KIF14: variants seen among roughly 807,000 people sequenced by gnomAD.
KIF14 encodes kinesin family member 14.
Under a neutral mutation model 176.2 loss-of-function variants are expected in KIF14, and 98 were observed. That is an observed-to-expected ratio of 0.56 (90% CI 0.47 to 0.66). The LOEUF (loss-of-function observed/expected upper bound fraction) is 0.66. KIF14 is among the 30% of genes least tolerant of loss of function. The probability of loss-of-function intolerance (pLI) is 0.00; values close to 1 mark genes in which losing one functional copy is unlikely to be tolerated. For missense variants in KIF14, 1,751 were observed against 1,920.4 expected, an observed-to-expected ratio of 0.91 and a Z score of 1.65; for synonymous variants, 566 against 632.2, an observed-to-expected ratio of 0.90 and a Z score of 1.57.
Position 200,602,074 on chromosome 1 carries a change from A to T in KIF14, c.1980-6T>A. ...CCAGACTTTCTTTTAACAGCCTACA[A>T]GAAAAAAAGTCATAAGACTTTGCTT... On this transcript the variant is annotated splice_region_variant and splice_polypyrimidine_tract_variant and intron_variant, in intron 10 of 29. Transcript: ENST00000367350. The T allele has an allele frequency of 6.2e-7, 1 of 1,608,144 alleles. No individual in the cohort carries two copies. Among genetic ancestry groups the T allele is most frequent in the Non-Finnish European group, 8.5e-7 (1 of 1,178,496 alleles).
chr1:200,594,560 A>G (rs1659234128), intron 14 of KIF14, among the ~76,000 whole-genome samples: 2 of 152,140 alleles, frequency 1.3e-5, no homozygotes, highest in Non-Finnish European at 2.9e-5. Flanking sequence ...AAGGAAAAAC[A>G]TGGAGATCAA....
chr1:200,596,263 T>G (rs965079537), intron 14 of KIF14, among the ~76,000 whole-genome samples: 1 of 151,960 alleles, frequency 6.6e-6, no homozygotes, highest in Non-Finnish European at 1.5e-5. Context: ...AATAAATAAA[T>G]AAAGATTCAT....
intron 17 of KIF14, 72 bp downstream of exon 17, chr1:200,590,053 C>A (rs1292023775): frequency 2.0e-6 from 3 of 1,468,102 alleles, no homozygotes; most frequent in East Asian, 4.5e-5. Context: ...GGGACATAAT[C>A]AACTTTATAG....
At chr1:200,598,839 G>A (rs1433556544) in intron 13 of KIF14, among the ~76,000 whole-genome samples, 3 of 152,120 alleles carry the variant, frequency 2.0e-5, no homozygotes, top group Admixed American at 6.5e-5. Flanking sequence ...AATTACAGGC[G>A]TGAGCCACCG....
At chr1:200,603,717 C>A in intron 9 of KIF14, 122 bp downstream of exon 9, 1 of 627,388 alleles carries the variant, frequency 1.6e-6, no homozygotes, top group African/African-American at 1.8e-5. Flanking sequence ...CACAGCAATG[C>A]AGTCTATAAA....
intron 18 of KIF14, among the ~76,000 whole-genome samples, chr1:200,586,645 G>A (rs1658753386): frequency 1.3e-5 from 2 of 150,574 alleles, no homozygotes; most frequent in African/African-American, 2.4e-5. Flanking sequence ...GAAAAAAAGA[G>A]GAAAAGAAGT....
intron 5 of KIF14, among the ~76,000 whole-genome samples, chr1:200,607,741 C>T (rs1414693892): frequency 1.3e-5 from 2 of 151,986 alleles, no homozygotes; most frequent in African/African-American, 2.4e-5. Flanking sequence ...CTTGCTCTGT[C>T]GCCAGGCTGG....
chr1:200,567,446 G>A (rs1212448212), intron 23 of KIF14, among the ~76,000 whole-genome samples: 1 of 150,798 alleles, frequency 6.6e-6, no homozygotes, highest in Non-Finnish European at 1.5e-5. Context: ...TCGGGAGGTT[G>A]AGGCAGGAGA....
At chr1:200,591,663 C>T (rs1231127257) in intron 16 of KIF14, among the ~76,000 whole-genome samples, 1 of 152,202 alleles carries the variant, frequency 6.6e-6, no homozygotes, top group Non-Finnish European at 1.5e-5. Flanking sequence ...AAATTCTAAT[C>T]GTCTATTGGG....
Position 200,578,905 on chromosome 1 carries a change from C to T in KIF14, c.3465+1349G>A, listed in dbSNP as rs373084231. Among the ~76,000 whole-genome samples the T allele has an allele frequency of 1.6e-4, 24 of 151,764 alleles. No homozygotes were observed. In the East Asian group the frequency reaches 1.8e-3, roughly 11 times the overall value. ...TGGAGATCGAGACCATCCTGGCTAA[C>T]ATGGTGAAACCCCGTCTCTACTAAA... On this transcript the variant is annotated intron_variant, in intron 21 of 29. Coordinates refer to ENST00000367350, the MANE Select transcript of KIF14 (RefSeq NM_014875.3).
chr1:200,587,285 C>T (rs1279988000), intron 18 of KIF14, among the ~76,000 whole-genome samples: 3 of 151,372 alleles, frequency 2.0e-5, no homozygotes, highest in African/African-American at 7.3e-5. Context: ...GACTTCACCA[C>T]TATATAATTC....
At chr1:200,568,462 T>C (rs541015455) in intron 23 of KIF14, among the ~76,000 whole-genome samples, 22 of 152,338 alleles carry the variant, frequency 1.4e-4, no homozygotes, top group African/African-American at 5.3e-4. Flanking sequence ...TGAGATATAA[T>C]ACCTTTTATG....
rs757906139 is a variant in KIF14, at chr1:200,618,205, A to G, written c.519T>C (p.Ser173=). 8.1e-6 allele frequency: 13 copies of G among 1,613,912 alleles called. No homozygotes were observed. In the African/African-American group the frequency reaches 1.7e-4, roughly 22 times the overall value. ...CTAAAGGTACAGAAGAGGCAACAAA[A>G]GAGTTTTTAGCATTATTTACAATCC... The part of the protein sequence containing the change: ...NVRIVNNAKN[S]FVASSVPLDE... The change falls in exon 2 of 30, where the codon TCT becomes TCC. Residue 173 remains serine, a synonymous_variant. Coordinates refer to ENST00000367350, the MANE Select transcript of KIF14 (RefSeq NM_014875.3).
At chr1:200,561,412 G>A (rs1444176070) in intron 25 of KIF14, among the ~76,000 whole-genome samples, 9 of 151,452 alleles carry the variant, frequency 5.9e-5, no homozygotes, top group East Asian at 1.9e-4. Flanking sequence ...GGTGGCGGGC[G>A]CCTGTAGTCC....
Position 200,615,930 on chromosome 1 carries a change from T to C in KIF14, c.1113-321A>G, listed in dbSNP as rs112549442. On this transcript the variant is annotated intron_variant, in intron 2 of 29. Coordinates refer to ENST00000367350, the MANE Select transcript of KIF14 (RefSeq NM_014875.3). Reference sequence around the variant, plus strand: ...CCCACCTACTATAATCTACCTATACTCTTCATCCAAATCTACATCTTTATT... The same window carrying C: ...CCCACCTACTATAATCTACCTATACCCTTCATCCAAATCTACATCTTTATT... 3.3e-3 allele frequency among the ~76,000 whole-genome samples: 499 copies of C among 152,178 alleles called. 5 individuals are homozygous for C. The highest frequency in any genetic ancestry group is 0.012 in the African/African-American group (480 of 41,516).
chr1:200,600,266 G>GA (rs1486400497), intron 12 of KIF14, 90 bp downstream of exon 12: 12 of 1,400,094 alleles, frequency 8.6e-6, no homozygotes, highest in Non-Finnish European at 1.2e-5. Flanking sequence ...AGGAAGGTCG[G>GA]AAAAATACTC....
At chr1:200,616,239 C>T (rs1285623645) in intron 2 of KIF14, among the ~76,000 whole-genome samples, 2 of 152,084 alleles carry the variant, frequency 1.3e-5, no homozygotes, top group African/African-American at 4.8e-5. Flanking sequence ...CGCTCCATCC[C>T]TGACTCTGAG....
intron 11 of KIF14, among the ~76,000 whole-genome samples, chr1:200,601,310 T>G (rs1659614315): frequency 6.6e-6 from 1 of 152,218 alleles, no homozygotes; most frequent in Non-Finnish European, 1.5e-5. Context: ...TCTATCACCT[T>G]CTGCTGCTAA....
Position 200,580,274 on chromosome 1 carries a change from C to A in KIF14, c.3445G>T (p.Ala1149Ser). 1.4e-6 allele frequency: 2 copies of A among 1,448,878 alleles called. No individual in the cohort carries two copies. The highest frequency in any genetic ancestry group is 1.8e-6 in the Non-Finnish European group (2 of 1,089,322). 89.8% of individuals were successfully genotyped at this position (1,448,878 alleles called of 1,614,324 possible). ...CAAACCTCATAAAGTTCTTTCATTG[C>A]TGCAAGTTTAGATTCAAACTTTTCC... ...SLEKFESKLA[A>S]MKELYESNGS... is the part of the protein sequence containing the mutation. The change falls in exon 21 of 30, where the codon GCA becomes TCA. Residue 1149 changes from alanine to serine, a missense_variant. Ala to Ser is a moderately conservative substitution (Grantham distance 99). Transcript: ENST00000367350.
Sources: gnomAD v4.1 joint callset for allele counts (sites outside exome capture counted in the v4.1 genomes callset) on GRCh38, gnomAD v4.1.1 for gene constraint, MANE v1.5 for transcripts, NCBI Gene and HGNC (gene_info 2026-07-23, HGNC 2026-07-21) for gene names.